The following ADAM18 variants were observed in gnomAD, a reference collection of about 807,000 sequenced individuals.
ADAM18 encodes the protein ADAM metallopeptidase domain 18.
Under a neutral mutation model 94.4 loss-of-function variants are expected in ADAM18, and 117 were observed. That is an observed-to-expected ratio of 1.24 (90% CI 1.07 to 1.45). The LOEUF (loss-of-function observed/expected upper bound fraction) is 1.45. Ranked by LOEUF, ADAM18 falls within the 40% of genes most tolerant of loss-of-function variation. The pLI is 0.00. For synonymous variants in ADAM18, 327 were observed against 291.6 expected, an observed-to-expected ratio of 1.12 and a Z score of -1.24; for missense variants, 936 against 880.0, an observed-to-expected ratio of 1.06 and a Z score of -0.81.
At chr8:39,667,892 C>T in intron 13 of ADAM18, 106 bp from the exon 14 acceptor site, 1 of 1,168,762 alleles carries the variant, frequency 8.6e-7, no homozygotes, top group Non-Finnish European at 1.2e-6. Flanking sequence ...TCTGGTGTTC[C>T]CTCAAATATC....
At chr8:39,616,649 G>A (rs1819450213) in intron 6 of ADAM18, among the ~76,000 whole-genome samples, 1 of 152,084 alleles carries the variant, frequency 6.6e-6, no homozygotes, top group African/African-American at 2.4e-5. Context: ...CAAAACAGCA[G>A]GGTACTGGTA....
At chr8:39,662,182 A>G (rs1820858973) in intron 12 of ADAM18, among the ~76,000 whole-genome samples, 1 of 152,218 alleles carries the variant, frequency 6.6e-6, no homozygotes, top group Middle Eastern at 3.4e-3. Context: ...GATTGGTCAT[A>G]ATTAGTACTG....
chr8:39,669,788 T>C (rs1821103420), intron 14 of ADAM18, among the ~76,000 whole-genome samples: 1 of 152,156 alleles, frequency 6.6e-6, no homozygotes, highest in Admixed American at 6.5e-5. Flanking sequence ...TGTGCATGTG[T>C]CTTTATAGCA....
At chr8:39,660,659 T>A (rs1820810277) in intron 12 of ADAM18, among the ~76,000 whole-genome samples, 1 of 152,178 alleles carries the variant, frequency 6.6e-6, no homozygotes, top group African/African-American at 2.4e-5. Context: ...ATTTTAATAC[T>A]CCACTTTCAA....
At chr8:39,624,419 A>G (rs1819707085) in intron 6 of ADAM18, among the ~76,000 whole-genome samples, 1 of 152,056 alleles carries the variant, frequency 6.6e-6, no homozygotes, top group African/African-American at 2.4e-5. Context: ...TCCTTCCCCC[A>G]ATTTATGTTT....
At chr8:39,606,879 G>A (rs887343885) in intron 3 of ADAM18, among the ~76,000 whole-genome samples, 7 of 152,100 alleles carry the variant, frequency 4.6e-5, no homozygotes, top group African/African-American at 1.7e-4. Flanking sequence ...CAGGGGCGGG[G>A]AACACAAGGT....
intron 13 of ADAM18, among the ~76,000 whole-genome samples, chr8:39,665,837 T>C (rs1344386206): frequency 6.6e-6 from 1 of 152,216 alleles, no homozygotes; most frequent in Non-Finnish European, 1.5e-5. Context: ...AATATGTTTT[T>C]ACTATTTTTG....
chr8:39,606,170 A>G, intron 2 of ADAM18, 137 bp from the exon 3 acceptor site: 1 of 548,322 alleles, frequency 1.8e-6, no homozygotes, highest in East Asian at 3.4e-5. Context: ...TTAAATTCTT[A>G]CTATTTAGAA....
chr8:39,725,313 A>G (rs1017154934), intron 19 of ADAM18, among the ~76,000 whole-genome samples: 2 of 151,960 alleles, frequency 1.3e-5, no homozygotes, highest in Non-Finnish European at 2.9e-5. Context: ...TTTCCTCCCA[A>G]ATTTTATATT....
intron 7 of ADAM18, among the ~76,000 whole-genome samples, chr8:39,631,475 T>A (rs546441690): frequency 1.3e-5 from 2 of 152,078 alleles, no homozygotes; most frequent in African/African-American, 4.8e-5. Flanking sequence ...TAGCAATTTT[T>A]AAAAATTATG....
At chr8:39,615,788 T>C (rs1239351787) in intron 6 of ADAM18, among the ~76,000 whole-genome samples, 1 of 152,178 alleles carries the variant, frequency 6.6e-6, no homozygotes, top group Non-Finnish European at 1.5e-5. Flanking sequence ...ATGGATGATA[T>C]GATTTTATAC....
chr8:39,621,756 A>T (rs1191594167), intron 6 of ADAM18, among the ~76,000 whole-genome samples: 1 of 152,202 alleles, frequency 6.6e-6, no homozygotes, highest in Non-Finnish European at 1.5e-5. Context: ...ATACAAAAGA[A>T]TGAGATCATG....
rs1327324574 is a variant in ADAM18 at position 39,584,631 on chromosome 8, TCTC to T, written c.13_15del (p.Leu5del). 1.2e-6 allele frequency: 2 copies of T among 1,613,212 alleles called. No individual in the cohort carries two copies. The highest frequency in any genetic ancestry group is 1.3e-5 in the African/African-American group (1 of 75,060). ...TGCGCTCTGGCTGAGCCATGTTCCTTCTCCTCGCCCTCCTCACTGAGCTTGGAA... is the reference window on the plus strand; with the variant it reads ...TGCGCTCTGGCTGAGCCATGTTCCTTCTCGCCCTCCTCACTGAGCTTGGAA... On this transcript the variant is annotated inframe_deletion, in exon 1 of 20. Transcript: ENST00000265707.
At chr8:39,704,808 G>A (rs1175795887) in intron 17 of ADAM18, among the ~76,000 whole-genome samples, 2 of 151,930 alleles carry the variant, frequency 1.3e-5, no homozygotes, top group East Asian at 3.9e-4. Context: ...GATATTATAA[G>A]GGATTATATG....
chr8:39,615,458 C>T (rs1218751220), intron 6 of ADAM18, among the ~76,000 whole-genome samples: 1 of 152,124 alleles, frequency 6.6e-6, no homozygotes, highest in Non-Finnish European at 1.5e-5. Flanking sequence ...GGTTGTTTAA[C>T]AAAATCCCAC....
chr8:39,690,716 G>A (rs1378965710), intron 16 of ADAM18, among the ~76,000 whole-genome samples: 1 of 152,120 alleles, frequency 6.6e-6, no homozygotes, highest in Non-Finnish European at 1.5e-5. Flanking sequence ...CCAACCAAAT[G>A]TTGGTGAGGG....
Position 39,660,558 on chromosome 8 carries a change from T to C in ADAM18, c.1231-3237T>C, listed in dbSNP as rs541830320. Among the ~76,000 whole-genome samples the C allele has an allele frequency of 3.9e-5, 6 of 152,258 alleles. No individual in the cohort carries two copies. The South Asian group carries it at 8.3e-4, about 21-fold the overall frequency. On this transcript the variant is annotated intron_variant, in intron 12 of 19. Transcript: ENST00000265707. The stretch of plus-strand genomic sequence containing the variant: ...ATCAAGAATACATAACAATTATAAA[T>C]GCATCCAATACTGAAGTACCTAAGT...
chr8:39,692,724 A>G, intron 17 of ADAM18, 44 bp downstream of exon 17: 2 of 1,469,612 alleles, frequency 1.4e-6, no homozygotes, highest in South Asian at 1.2e-5. Context: ...TCTTGTGGGT[A>G]ATTCAAATAA....
intron 6 of ADAM18, among the ~76,000 whole-genome samples, chr8:39,624,311 G>C (rs183838793): frequency 3.9e-5 from 6 of 152,266 alleles, no homozygotes; most frequent in Admixed American, 3.9e-4. Flanking sequence ...GATCCATCTT[G>C]AGTTGATTTT....
Sources: allele counts gnomAD v4.1 joint callset (sites outside exome capture counted in the v4.1 genomes callset), GRCh38; gene constraint gnomAD v4.1.1; transcripts MANE v1.5; gene names NCBI Gene and HGNC (gene_info 2026-07-23, HGNC 2026-07-21).